The following DNAJA2 variants were observed in gnomAD, a reference collection of about 807,000 sequenced individuals.
The protein encoded by DNAJA2 is DnaJ heat shock protein family (Hsp40) member A2, also known as dnaJ homolog subfamily A member 2.
Under a neutral mutation model 49.3 loss-of-function variants are expected in DNAJA2, and 6 were observed. That is an observed-to-expected ratio of 0.12 (90% CI 0.07 to 0.24). DNAJA2 has a LOEUF of 0.24. Ranked by LOEUF, DNAJA2 falls within the 10% of genes least tolerant of loss-of-function variation. The pLI is 1.00. For missense variants in DNAJA2, 347 were observed against 516.8 expected, an observed-to-expected ratio of 0.67 and a Z score of 3.19; for synonymous variants, 160 against 172.7, an observed-to-expected ratio of 0.93 and a Z score of 0.58.
intron 5 of DNAJA2, among the ~76,000 whole-genome samples, chr16:46,965,739 C>CAA (rs1265667079): frequency 1.3e-5 from 2 of 148,362 alleles, no homozygotes; most frequent in Non-Finnish European, 3.0e-5. Flanking sequence ...GCCGAGGCAG[C>CAA]AGAATCACTT....
At chr16:46,968,699 T>C (rs749068997) in intron 3 of DNAJA2, among the ~76,000 whole-genome samples, 1 of 152,090 alleles carries the variant, frequency 6.6e-6, no homozygotes, top group Non-Finnish European at 1.5e-5. Context: ...ATGGCATATG[T>C]CTTAAAAAAA....
intron 4 of DNAJA2, 73 bp downstream of exon 4, chr16:46,968,011 G>C (rs1187590232): frequency 7.4e-7 from 1 of 1,345,580 alleles, no homozygotes; most frequent in South Asian, 1.4e-5. Flanking sequence ...CAATTTTTAC[G>C]TGGTACAGAC....
In DNAJA2 at chr16:46,963,683, G is replaced by T. The variant is rs533237467; in HGVS notation, c.774+928C>A. Among the ~76,000 whole-genome samples the T allele has an allele frequency of 1.5e-4, 23 of 152,186 alleles. 1 individual carries two copies. In the South Asian group the frequency reaches 4.6e-3, roughly 30 times the overall value. ...CCACTGTACTCCAGCCAGGGCGACA[G>T]AGCAAGACCATCTCAAAAACAAAAA... On this transcript the variant is annotated intron_variant, in intron 6 of 8. Transcript: ENST00000317089.
intron 4 of DNAJA2, 52 bp from the exon 5 acceptor site, chr16:46,967,698 T>A (rs1197279301): frequency 6.2e-7 from 1 of 1,611,386 alleles, no homozygotes; most frequent in East Asian, 2.2e-5. Flanking sequence ...ACCACTCCAA[T>A]AAGCTATGAC....
chr16:46,955,624 TAC>T lies in DNAJA2; in HGVS notation c.*1403_*1404del, dbSNP rs1228903785. The T allele has an allele frequency of 6.6e-6, 1 of 152,220 alleles. No individual in the cohort carries two copies. Among genetic ancestry groups the T allele is most frequent in the Non-Finnish European group, 1.5e-5 (1 of 68,032 alleles). 9.4% of individuals were successfully genotyped at this position (152,220 alleles called of 1,614,324 possible). On this transcript the variant is annotated 3_prime_UTR_variant, in exon 9 of 9. Coordinates refer to ENST00000317089, the MANE Select transcript of DNAJA2 (RefSeq NM_005880.4). ...GGTTCTAGCAGACCTAGAAATAAAC[TAC>T]AAATACTAGATTTAGGCTCAGGGAT...
At position 46,956,338 on chromosome 16, in the gene DNAJA2, A is replaced by T. The variant is rs1961810108; in HGVS notation, c.*691T>A. ...CTGTTTAAGAACCAGTACTAAGGAT[A>T]CATTCTTTTATGTTTTTCCTTCTAA... On this transcript the variant is annotated 3_prime_UTR_variant, in exon 9 of 9. Coordinates refer to ENST00000317089, the MANE Select transcript of DNAJA2 (RefSeq NM_005880.4). The T allele has an allele frequency of 6.6e-6, 1 of 152,160 alleles. No individual in the cohort carries two copies. Among genetic ancestry groups the T allele is most frequent in the African/African-American group, 2.4e-5 (1 of 41,424 alleles). 9.4% of individuals were successfully genotyped at this position (152,160 alleles called of 1,614,324 possible). A position where few individuals can be genotyped will look rare whatever the true frequency, so the allele number is the denominator to read the frequency against.
At chr16:46,959,205 A>G (rs1231941279) in intron 7 of DNAJA2, 70 bp downstream of exon 7, 17 of 1,580,244 alleles carry the variant, frequency 1.1e-5, no homozygotes, top group Non-Finnish European at 1.5e-5. Context: ...TATGCAGTAT[A>G]AAAAAATTAC....
chr16:46,973,006 C>T (rs1962078619), intron 1 of DNAJA2: 1 of 152,148 alleles, frequency 6.6e-6, no homozygotes, highest in Admixed American at 6.5e-5. Flanking sequence ...GCCCGAGGCG[C>T]TCTGTGGGGG....
rs1012402589 is a variant in DNAJA2, at chr16:46,973,563, C to T, written c.10G>A (p.Val4Met). 5 of 1,596,680 alleles carry T rather than the reference C, an allele frequency of 3.1e-6. No homozygotes were observed. Among genetic ancestry groups the T allele is most frequent in the South Asian group, 1.1e-5 (1 of 89,466 alleles). MAN[V>M]ADTKLYDILG... ...ATGTCGTACAGCTTCGTGTCAGCCA[C>T]GTTAGCCATGGCGGCCGGCCGGGCA... The change falls in exon 1 of 9, where the codon GTG (valine) becomes ATG (methionine). Residue 4 changes from valine (V) to methionine (M), a missense_variant. Physicochemically the swap from Val to Met is conservative, Grantham distance 21 (BLOSUM62 1). Transcript: ENST00000317089.
intron 6 of DNAJA2, among the ~76,000 whole-genome samples, chr16:46,960,471 T>C (rs1171399847): frequency 1.3e-5 from 2 of 152,140 alleles, no homozygotes; most frequent in African/African-American, 4.8e-5. Context: ...TAATGCAGGA[T>C]TTTTCAACGC....
In DNAJA2 at chr16:46,971,969, TA is replaced by T; in HGVS notation, c.79-15del. ...CTTTCTGTATGCCTTTGAAAATGGATAAAAACAAAAAAGGTTATAACTAAAC... is the reference window on the plus strand; with the variant it reads ...CTTTCTGTATGCCTTTGAAAATGGATAAAACAAAAAAGGTTATAACTAAAC... On this transcript the variant is annotated splice_polypyrimidine_tract_variant and intron_variant, in intron 1 of 8. Coordinates refer to ENST00000317089, the MANE Select transcript of DNAJA2 (RefSeq NM_005880.4). 6.3e-7 allele frequency: 1 copy of T among 1,594,014 alleles called. No individual in the cohort carries two copies. Among genetic ancestry groups the T allele is most frequent in the Non-Finnish European group, 8.6e-7 (1 of 1,164,026 alleles).
intron 6 of DNAJA2, among the ~76,000 whole-genome samples, chr16:46,963,758 A>T (rs1210810161): frequency 2.0e-5 from 3 of 152,276 alleles, no homozygotes; most frequent in South Asian, 2.1e-4. Flanking sequence ...CTTCTAAAAA[A>T]ATATTTTTTT....
intron 8 of DNAJA2, 167 bp downstream of exon 8, chr16:46,958,836 T>C (rs1443241098): frequency 1.4e-5 from 10 of 705,618 alleles, no homozygotes; most frequent in African/African-American, 3.6e-5. Context: ...TCCCAGCTCC[T>C]TGGGGGCTGA....
chr16:46,964,662 T>C lies in DNAJA2; in HGVS notation c.723A>G (p.Pro241=). The part of the protein sequence containing the change: ...ITFTGEADQA[P]GVEPGDIVLL... ...GAACAATGTCTCCGGGTTCCACTCC[T>C]GGGGCCTGGTCTGCTTCCCCAGTGA... Residue 241 remains proline, a synonymous_variant, in exon 6 of 9, where the codon CCA becomes CCG. Transcript: ENST00000317089. 6.2e-7 allele frequency: 1 copy of C among 1,614,160 alleles called. No individual in the cohort carries two copies. Among genetic ancestry groups the C allele is most frequent in the Non-Finnish European group, 8.5e-7 (1 of 1,180,012 alleles).
chr16:46,957,732 C>CA (rs1567352132), intron 8 of DNAJA2, among the ~76,000 whole-genome samples: 1 of 151,530 alleles, frequency 6.6e-6, no homozygotes, highest in Admixed American at 6.6e-5. Context: ...CTTTAAGAAC[C>CA]AAAAAAAAGG....
At chr16:46,965,132 T>C (rs571525331) in intron 5 of DNAJA2, among the ~76,000 whole-genome samples, 4 of 152,040 alleles carry the variant, frequency 2.6e-5, no homozygotes, top group Non-Finnish European at 5.9e-5. Flanking sequence ...GAGGGAGGAC[T>C]GCTGGAGTTC....
chr16:46,967,408 A>G lies in DNAJA2; in HGVS notation c.577+105T>C. ...GCACCCGGCCTCCTTTTTCTTTAAT[A>G]AGATGTATACAAATACCCTTTGAAA... is the stretch of plus-strand genomic sequence containing the variant. On this transcript the variant is annotated intron_variant, in intron 5 of 8. Coordinates refer to ENST00000317089, the MANE Select transcript of DNAJA2 (RefSeq NM_005880.4). The G allele has an allele frequency of 2.8e-6, 4 of 1,405,686 alleles. No homozygotes were observed. The African/African-American group carries it at 5.8e-5, about 20-fold the overall frequency. The allele number at this position is 1,405,686 out of a possible 1,614,324, so 87.1% of individuals were successfully genotyped here. A position where few individuals can be genotyped will look rare whatever the true frequency, so the allele number is the denominator to read the frequency against.
At chr16:46,965,453 G>C (rs1335181491) in intron 5 of DNAJA2, among the ~76,000 whole-genome samples, 1 of 152,192 alleles carries the variant, frequency 6.6e-6, no homozygotes, top group East Asian at 1.9e-4. Context: ...TGAAGGCTTA[G>C]AAAGAAGTGT....
chr16:46,968,203 C>T (rs1421183069), intron 3 of DNAJA2, 39 bp from the exon 4 acceptor site: 1 of 1,468,524 alleles, frequency 6.8e-7, no homozygotes, highest in South Asian at 1.3e-5. Flanking sequence ...AATTTTGCCA[C>T]ATTTTGTCAA....
Sources: gnomAD v4.1 joint callset for allele counts (sites outside exome capture counted in the v4.1 genomes callset) on GRCh38, gnomAD v4.1.1 for gene constraint, MANE v1.5 for transcripts, NCBI Gene and HGNC (gene_info 2026-07-23, HGNC 2026-07-21) for gene names.